USH2A: variants seen among roughly 807,000 people sequenced by gnomAD.
USH2A encodes the protein usherin.
USH2A carries 443 observed loss-of-function variants against 538.9 expected under a neutral mutation model. The observed-to-expected ratio is 0.82, with a 90% CI of 0.76 to 0.89. USH2A has a LOEUF of 0.89. Among genes scored for constraint, USH2A ranks in the 40% least tolerant of loss-of-function variants. USH2A has a pLI of 0.00. For missense variants in USH2A, 6,633 were observed against 6,324.8 expected, an observed-to-expected ratio of 1.05 and a Z score of -1.65; for synonymous variants, 2,413 against 2,273.5, an observed-to-expected ratio of 1.06 and a Z score of -1.75.
chr1:216,246,720 C>T lies in USH2A; in HGVS notation c.2674G>A (p.Asp892Asn). 1.2e-6 allele frequency: 2 copies of T among 1,614,102 alleles called. No homozygotes were observed. The highest frequency in any genetic ancestry group is 8.5e-7 in the Non-Finnish European group (1 of 1,179,982). ...CACATCTGGCAGTGTTGAAAATTGT[C>T]AATGGTCAAATTGTACCTGTGAGGC... ...CEPHRYNLTI[D>N]NFQHCQMCEC... Residue 892 changes from aspartate to asparagine, a missense_variant, in exon 13 of 72, where the codon GAC (aspartate) becomes AAC (asparagine). Coordinates refer to ENST00000307340, the MANE Select transcript of USH2A (RefSeq NM_206933.4).
chr1:216,019,093 C>T (rs1668784670), intron 32 of USH2A, among the ~76,000 whole-genome samples: 1 of 152,026 alleles, frequency 6.6e-6, no homozygotes, highest in Non-Finnish European at 1.5e-5. Context: ...TTTATGCAGT[C>T]AAGTATGACA....
intron 9 of USH2A, among the ~76,000 whole-genome samples, chr1:216,315,062 A>G (rs745959178): frequency 3.3e-5 from 5 of 152,196 alleles, no homozygotes; most frequent in Admixed American, 3.3e-4. Flanking sequence ...ACTAGATTCT[A>G]TTCAACACTT....
rs774663133 is a variant in USH2A, at chr1:216,198,416, G to A, written c.3980C>T (p.Thr1327Ile). ...ATACTTGGTGTATGGCTCCAAGCCAGTGATGGTTGTCATTGTTTGAGGAGG... is the reference window on the plus strand; with the variant it reads ...ATACTTGGTGTATGGCTCCAAGCCAATGATGGTTGTCATTGTTTGAGGAGG... Reference protein sequence around the residue: ...LKPPQTMTTITGLEPYTKYEF... With the variant: ...LKPPQTMTTIIGLEPYTKYEF... The change falls in exon 18 of 72, where the codon ACT (threonine) becomes ATT (isoleucine). Residue 1327 changes from threonine (T) to isoleucine (I), a missense_variant. Coordinates refer to ENST00000307340, the MANE Select transcript of USH2A (RefSeq NM_206933.4). The A allele has an allele frequency of 2.5e-6, 4 of 1,613,894 alleles. No individual in the cohort carries two copies. The African/African-American group carries it at 5.3e-5, about 22-fold the overall frequency.
At chr1:216,163,784 C>CT (rs34212549) in intron 21 of USH2A, among the ~76,000 whole-genome samples, 218 of 148,052 alleles carry the variant, frequency 1.5e-3, no homozygotes, top group East Asian at 3.6e-3. Flanking sequence ...TTTTGCCTGT[C>CT]TTTTTTTTTT....
chr1:216,011,543 G>A (rs1346370892), intron 32 of USH2A, among the ~76,000 whole-genome samples: 1 of 152,088 alleles, frequency 6.6e-6, no homozygotes, highest in Non-Finnish European at 1.5e-5. Flanking sequence ...CATGGTTAGT[G>A]CGGTCAGAAT....
At chr1:216,184,794 C>G (rs1015684955) in intron 20 of USH2A, among the ~76,000 whole-genome samples, 2 of 151,894 alleles carry the variant, frequency 1.3e-5, no homozygotes, top group Non-Finnish European at 2.9e-5. Context: ...GACTTATGTA[C>G]CCGAATGCAA....
At chr1:216,027,840 A>T (rs1268013247) in intron 32 of USH2A, among the ~76,000 whole-genome samples, 2 of 152,230 alleles carry the variant, frequency 1.3e-5, no homozygotes, top group Admixed American at 1.3e-4. Flanking sequence ...TGTTGTATTA[A>T]TATTTTGAAA....
intron 3 of USH2A, among the ~76,000 whole-genome samples, chr1:216,374,760 A>G (rs2038786081): frequency 6.6e-6 from 1 of 152,136 alleles, no homozygotes; most frequent in Non-Finnish European, 1.5e-5. Flanking sequence ...TATAGACCCC[A>G]TACAGCTGCA....
chr1:215,967,310 A>G (rs1667370866), intron 36 of USH2A, among the ~76,000 whole-genome samples: 2 of 152,088 alleles, frequency 1.3e-5, no homozygotes, highest in African/African-American at 2.4e-5. Context: ...CTGAGACTGC[A>G]GGCGCCCGCC....
intron 61 of USH2A, among the ~76,000 whole-genome samples, chr1:215,712,069 G>A (rs544744380): frequency 6.6e-6 from 1 of 152,230 alleles, no homozygotes; most frequent in South Asian, 2.1e-4. Flanking sequence ...TGATGACCAG[G>A]TCTTCCTAGT....
At chr1:215,708,945 T>C (rs751174505) in intron 61 of USH2A, among the ~76,000 whole-genome samples, 85 of 152,336 alleles carry the variant, frequency 5.6e-4, no homozygotes, top group Non-Finnish European at 9.4e-4. Flanking sequence ...GAAACATGAA[T>C]GGCTTTCAAA....
At position 216,325,456 on chromosome 1, in the gene USH2A, C is replaced by T; in HGVS notation, c.992G>A (p.Arg331Lys). 6.2e-7 allele frequency: 1 copy of T among 1,613,944 alleles called. No homozygotes were observed. The highest frequency in any genetic ancestry group is 1.7e-5 in the Admixed American group (1 of 59,972). The change falls in exon 6 of 72, where the codon AGA (arginine) becomes AAA (lysine). Residue 331 changes from arginine (R) to lysine (K), a missense_variant. Physicochemically the swap from Arg to Lys is conservative, Grantham distance 26 (BLOSUM62 2). Coordinates refer to ENST00000307340, the MANE Select transcript of USH2A (RefSeq NM_206933.4). Reference sequence around the variant, plus strand: ...GGCTTCAGGATTCAACCGTGACACTCTATTATCAGCTGTGTCTCCTGCATC... The same window carrying T: ...GGCTTCAGGATTCAACCGTGACACTTTATTATCAGCTGTGTCTCCTGCATC... ...PNDAGDTADN[R>K]VSRLNPEAHP...
chr1:216,125,371 G>T (rs2033230256), intron 21 of USH2A, among the ~76,000 whole-genome samples: 1 of 151,982 alleles, frequency 6.6e-6, no homozygotes, highest in Admixed American at 6.6e-5. Flanking sequence ...TGCCTCTCGT[G>T]CTATAAGGCT....
intron 20 of USH2A, among the ~76,000 whole-genome samples, chr1:216,187,275 C>G (rs2034627933): frequency 6.6e-6 from 1 of 151,834 alleles, no homozygotes; most frequent in Admixed American, 6.6e-5. Context: ...CCTGTTGGAT[C>G]TCAACTCCTT....
intron 32 of USH2A, among the ~76,000 whole-genome samples, chr1:216,042,139 T>C (rs1225627718): frequency 6.6e-6 from 1 of 152,016 alleles, no homozygotes; most frequent in East Asian, 1.9e-4. Context: ...TTTCAAAATA[T>C]TTTTACAAAA....
At chr1:215,716,692 C>T (rs964212939) in intron 61 of USH2A, among the ~76,000 whole-genome samples, 1 of 152,174 alleles carries the variant, frequency 6.6e-6, no homozygotes, top group Non-Finnish European at 1.5e-5. Flanking sequence ...TTAAAATTCT[C>T]TGATTTTGTA....
At chr1:216,328,682 T>A (rs1171252933) in intron 4 of USH2A, among the ~76,000 whole-genome samples, 1 of 151,938 alleles carries the variant, frequency 6.6e-6, no homozygotes, top group African/African-American at 2.4e-5. Flanking sequence ...AGAGTGAGGA[T>A]ATGGCTGATA....
chr1:216,006,264 A>T (rs67417484), intron 32 of USH2A, among the ~76,000 whole-genome samples: 24,727 of 152,128 alleles, frequency 0.16, 2,223 homozygotes, highest in Non-Finnish European at 0.21. Context: ...TCTGACCACA[A>T]ACTGGTTACT....
rs571997206 is a variant in USH2A, at chr1:216,074,137, A to G, written c.5573-837T>C. ...CGGATGAAATGAATTTAGAGTATTCACCACTTTTTTGTTAGACAGCAAACA... is the reference window on the plus strand; with the variant it reads ...CGGATGAAATGAATTTAGAGTATTCGCCACTTTTTTGTTAGACAGCAAACA... On this transcript the variant is annotated intron_variant, in intron 27 of 71. Coordinates refer to ENST00000307340, the MANE Select transcript of USH2A (RefSeq NM_206933.4). 1.0e-3 allele frequency among the ~76,000 whole-genome samples: 156 copies of G among 152,336 alleles called. 1 individual carries two copies. Among genetic ancestry groups the G allele is most frequent in the African/African-American group, 3.4e-3 (141 of 41,594 alleles).
Sources: gnomAD v4.1 joint callset for allele counts (sites outside exome capture counted in the v4.1 genomes callset) on GRCh38, gnomAD v4.1.1 for gene constraint, MANE v1.5 for transcripts, NCBI Gene and HGNC (gene_info 2026-07-23, HGNC 2026-07-21) for gene names.